NOS1AP: variants seen among roughly 807,000 people sequenced by gnomAD.
NOS1AP encodes the protein carboxyl-terminal PDZ ligand of neuronal nitric oxide synthase protein.
In NOS1AP, 21 loss-of-function variants were observed where a neutral mutation model predicts 56.2. The ratio of observed to expected loss-of-function variants is 0.37; its 90% CI spans 0.26 to 0.54. The LOEUF is 0.54. NOS1AP is among the 20% of genes least tolerant of loss of function. NOS1AP has a pLI of 0.84. For synonymous variants in NOS1AP, 270 were observed against 274.6 expected, an observed-to-expected ratio of 0.98 and a Z score of 0.17; for missense variants, 522 against 657.8, an observed-to-expected ratio of 0.79 and a Z score of 2.26.
chr1:162,100,615 T>C (rs1692371001), intron 1 of NOS1AP, among the ~76,000 whole-genome samples: 1 of 149,240 alleles, frequency 6.7e-6, no homozygotes, highest in African/African-American at 2.6e-5. Flanking sequence ...TTTCTTTTGC[T>C]GTGCAGAAGC....
chr1:162,227,630 A>G (rs1042275090), intron 2 of NOS1AP, among the ~76,000 whole-genome samples: 2 of 152,194 alleles, frequency 1.3e-5, no homozygotes, highest in Non-Finnish European at 2.9e-5. Context: ...AGGACCTACA[A>G]CTGTGCAGCA....
At chr1:162,300,825 T>G in intron 4 of NOS1AP, 119 bp downstream of exon 4, 1 of 800,680 alleles carries the variant, frequency 1.2e-6, no homozygotes, top group South Asian at 1.4e-5. Flanking sequence ...TGCTTTTCCC[T>G]CCTGAGACCT....
intron 4 of NOS1AP, among the ~76,000 whole-genome samples, chr1:162,329,781 G>C (rs76517848): frequency 0.024 from 3,651 of 152,278 alleles, 69 homozygotes; most frequent in Non-Finnish European, 0.036. Flanking sequence ...GAATGAGGTC[G>C]CATGGAAAAA....
At chr1:162,293,799 T>C (rs1022681809) in intron 3 of NOS1AP, among the ~76,000 whole-genome samples, 1 of 152,238 alleles carries the variant, frequency 6.6e-6, no homozygotes, top group African/African-American at 2.4e-5. Context: ...TATTTATCAC[T>C]GGACTAGGTG....
intron 1 of NOS1AP, among the ~76,000 whole-genome samples, chr1:162,104,836 A>C (rs1037823579): frequency 6.6e-6 from 1 of 152,156 alleles, no homozygotes; most frequent in African/African-American, 2.4e-5. Flanking sequence ...GCTTCTATGC[A>C]TTGAGTAACA....
chr1:162,344,666 G>T (rs1657219379), intron 6 of NOS1AP, among the ~76,000 whole-genome samples: 1 of 149,488 alleles, frequency 6.7e-6, no homozygotes, highest in Non-Finnish European at 1.5e-5. Flanking sequence ...AGCCAAGATT[G>T]TGCCACCGCA....
intron 1 of NOS1AP, among the ~76,000 whole-genome samples, chr1:162,131,144 T>G (rs1648729922): frequency 6.6e-6 from 1 of 152,110 alleles, no homozygotes; most frequent in Admixed American, 6.5e-5. Context: ...TTATATTTGA[T>G]CGAATGTTTG....
intron 2 of NOS1AP, among the ~76,000 whole-genome samples, chr1:162,190,821 A>G (rs1262814154): frequency 1.3e-5 from 2 of 152,090 alleles, no homozygotes; most frequent in South Asian, 2.1e-4. Flanking sequence ...TATGAAATCA[A>G]CTTTTTTTTA....
At chr1:162,365,093 CGT>C (rs746003989) in intron 8 of NOS1AP, 401 of 1,219,004 alleles carry the variant, frequency 3.3e-4, no homozygotes, top group East Asian at 1.0e-3. Context: ...TGTGTGTGTA[CGT>C]GTGTGTGTGT....
intron 1 of NOS1AP, among the ~76,000 whole-genome samples, chr1:162,134,520 C>T (rs1430897694): frequency 6.9e-6 from 1 of 144,852 alleles, no homozygotes; most frequent in East Asian, 2.0e-4. Flanking sequence ...AACCGTAGTG[C>T]TGTAAATGGG....
intron 3 of NOS1AP, among the ~76,000 whole-genome samples, chr1:162,288,596 G>T (rs1164815220): frequency 6.6e-6 from 1 of 152,182 alleles, no homozygotes; most frequent in Non-Finnish European, 1.5e-5. Flanking sequence ...GTAGCAATGG[G>T]AAATTTACTA....
Position 162,212,098 on chromosome 1 carries a change from TGA to T in NOS1AP, c.177+57624_177+57625del, listed in dbSNP as rs1482786172. The stretch of plus-strand genomic sequence containing the variant: ...GGAGGAGATGCCTTGCCTGTGTTGC[TGA>T]GTTTTCCTCCCTCGGGTTGCCCTCT... On this transcript the variant is annotated intron_variant, in intron 2 of 9. Coordinates refer to ENST00000361897, the MANE Select transcript of NOS1AP (RefSeq NM_014697.3). 2.0e-5 allele frequency among the ~76,000 whole-genome samples: 3 copies of T among 152,350 alleles called. No homozygotes were observed. In the East Asian group the frequency reaches 5.8e-4, roughly 29 times the overall value.
intron 2 of NOS1AP, among the ~76,000 whole-genome samples, chr1:162,178,453 C>T (rs756451605): frequency 5.3e-5 from 8 of 152,124 alleles, no homozygotes; most frequent in Non-Finnish European, 1.0e-4. Flanking sequence ...GAGTATGTGC[C>T]ATACACCAAA....
chr1:162,190,363 T>A (rs5005248), intron 2 of NOS1AP, among the ~76,000 whole-genome samples: 73,578 of 151,300 alleles, frequency 0.49, 20,162 homozygotes, highest in East Asian at 0.75. Context: ...TTTTAAATTT[T>A]ATTTTATTTT....
At chr1:162,272,930 C>A (rs996346021) in intron 2 of NOS1AP, among the ~76,000 whole-genome samples, 17 of 152,094 alleles carry the variant, frequency 1.1e-4, no homozygotes, top group Non-Finnish European at 2.2e-4. Context: ...GGAATAATAA[C>A]CTCCCATAGG....
intron 3 of NOS1AP, among the ~76,000 whole-genome samples, chr1:162,295,838 T>C (rs1488268129): frequency 6.6e-6 from 1 of 152,192 alleles, no homozygotes; most frequent in South Asian, 2.1e-4. Context: ...TTGTTTTTAC[T>C]CTTGGCTGGG....
intron 2 of NOS1AP, among the ~76,000 whole-genome samples, chr1:162,169,210 C>G (rs922879256): frequency 1.3e-5 from 2 of 152,248 alleles, no homozygotes; most frequent in Non-Finnish European, 2.9e-5. Flanking sequence ...CTTTTCTCTT[C>G]AGCATCTGCT....
At chr1:162,256,574 C>T (rs901029931) in intron 2 of NOS1AP, among the ~76,000 whole-genome samples, 27 of 152,214 alleles carry the variant, frequency 1.8e-4, no homozygotes, top group African/African-American at 6.5e-4. Flanking sequence ...TCACCTTTCT[C>T]AACTGCACTG....
At chr1:162,291,227 A>G (rs1655273560) in intron 3 of NOS1AP, among the ~76,000 whole-genome samples, 1 of 152,172 alleles carries the variant, frequency 6.6e-6, no homozygotes, top group African/African-American at 2.4e-5. Context: ...TGTTTACAGT[A>G]AGTCTCTGCC....
Sources: allele counts gnomAD v4.1 joint callset (sites outside exome capture counted in the v4.1 genomes callset), GRCh38; gene constraint gnomAD v4.1.1; transcripts MANE v1.5; gene names NCBI Gene and HGNC (gene_info 2026-07-23, HGNC 2026-07-21).